SORCS1: variants seen among roughly 807,000 people sequenced by gnomAD.
SORCS1 encodes the protein VPS10 domain-containing receptor SorCS1.
Under a neutral mutation model 146.1 loss-of-function variants are expected in SORCS1, and 60 were observed. The observed-to-expected ratio is 0.41, with a 90% CI of 0.33 to 0.51. SORCS1 has a LOEUF of 0.51. SORCS1 is among the 20% of genes least tolerant of loss of function. SORCS1 has a pLI of 0.21. For missense variants in SORCS1, 1,352 were observed against 1,487.6 expected (o/e 0.91, Z 1.50); for synonymous variants, 637 against 584.0 (o/e 1.09, Z -1.31).
At chr10:106,889,888 T>TAAAAAA (rs772421907) in intron 2 of SORCS1, among the ~76,000 whole-genome samples, 1,771 of 71,550 alleles carry the variant, frequency 0.025, 216 homozygotes, top group African/African-American at 0.085. Context: ...ACGTCTCAAA[T>TAAAAAA]AAAAAAAAAA....
At chr10:107,053,542 A>C (rs1960331020) in intron 1 of SORCS1, among the ~76,000 whole-genome samples, 1 of 152,186 alleles carries the variant, frequency 6.6e-6, no homozygotes. Context: ...AATTGAAAAA[A>C]AAATGTCTCC....
upstream of SORCS1, among the ~76,000 whole-genome samples, chr10:107,164,963 C>G (rs540901434): frequency 6.6e-6 from 1 of 150,436 alleles, no homozygotes; most frequent in Non-Finnish European, 1.5e-5. The surrounding 1 kb of genome is among the most constrained non-coding windows in gnomAD (Gnocchi z 6.8). Context: ...TCTGCGCCCC[C>G]GCGGCCGCGG....
At chr10:106,882,739 A>G (rs898369612) in intron 2 of SORCS1, among the ~76,000 whole-genome samples, 17 of 152,324 alleles carry the variant, frequency 1.1e-4, no homozygotes, top group Non-Finnish European at 2.1e-4. Flanking sequence ...AAACCAAAAC[A>G]GTGGTTTTCC....
intron 2 of SORCS1, among the ~76,000 whole-genome samples, chr10:106,929,979 G>A (rs1953313280): frequency 6.6e-6 from 1 of 152,258 alleles, no homozygotes; most frequent in Admixed American, 6.5e-5. Context: ...GGGCGCAGTG[G>A]CGCATGCCTG....
chr10:106,973,611 C>T (rs980084763), intron 1 of SORCS1, among the ~76,000 whole-genome samples: 4 of 152,046 alleles, frequency 2.6e-5, no homozygotes, highest in South Asian at 2.1e-4. Flanking sequence ...CTGCTGCTGG[C>T]GGCTCTAGAA....
chr10:107,059,890 A>G (rs78618858), intron 1 of SORCS1, among the ~76,000 whole-genome samples: 1 of 147,658 alleles, frequency 6.8e-6, no homozygotes, highest in African/African-American at 2.5e-5. Context: ...AAAAAAAAAA[A>G]CCCTCAGTAA....
At chr10:106,756,685 G>A (rs1402136678) in intron 5 of SORCS1, among the ~76,000 whole-genome samples, 1 of 152,094 alleles carries the variant, frequency 6.6e-6, no homozygotes, top group Non-Finnish European at 1.5e-5. Context: ...TGGTTGCTAT[G>A]GTAGTATTAA....
At chr10:107,022,140 TTC>T (rs1958178735) in intron 1 of SORCS1, among the ~76,000 whole-genome samples, 1 of 152,130 alleles carries the variant, frequency 6.6e-6, no homozygotes, top group Admixed American at 6.5e-5. Flanking sequence ...ATACGGAGGT[TTC>T]AGAACCCACA....
At chr10:106,794,794 C>T (rs1946471727) in intron 3 of SORCS1, among the ~76,000 whole-genome samples, 1 of 152,134 alleles carries the variant, frequency 6.6e-6, no homozygotes, top group Admixed American at 6.5e-5. Context: ...TGAGCCACCA[C>T]ACCGGGCCCT....
Position 106,620,467 on chromosome 10 carries a change from G to A in SORCS1, c.2757C>T (p.Gly919=). The A allele has an allele frequency of 6.2e-7, 1 of 1,613,892 alleles. No homozygotes were observed. The highest frequency in any genetic ancestry group is 1.1e-5 in the South Asian group (1 of 91,048). ...CGTACCACCACACGTAAGTGAGGGT[G>A]CCCACTTGGCTGGGCCACAGCACTG... ...ATAVLWPSQV[G]TLTYVWWYGN... The change falls in exon 20 of 26, where the codon GGC becomes GGT. Residue 919 remains glycine, a synonymous_variant. Transcript: ENST00000263054.
chr10:107,152,126 T>C (rs1968858537), intron 1 of SORCS1, among the ~76,000 whole-genome samples: 1 of 152,174 alleles, frequency 6.6e-6, no homozygotes, highest in Non-Finnish European at 1.5e-5. Flanking sequence ...AGGCCATTGC[T>C]TCAGAGAGTG....
chr10:107,062,284 T>C (rs1961300469), intron 1 of SORCS1, among the ~76,000 whole-genome samples: 1 of 152,210 alleles, frequency 6.6e-6, no homozygotes, highest in African/African-American at 2.4e-5. Flanking sequence ...ATCTTCAGCA[T>C]ATTTTGCTAA....
rs369758125 is a variant in SORCS1, at chr10:106,675,014, A to G, written c.1940+35T>C. The G allele has an allele frequency of 1.3e-5, 20 of 1,522,742 alleles. No homozygotes were observed. In the African/African-American group the frequency reaches 2.5e-4, roughly 19 times the overall value. 94.3% of individuals were successfully genotyped at this position (1,522,742 alleles called of 1,614,324 possible). A position where few individuals can be genotyped will look rare whatever the true frequency, so the allele number is the denominator to read the frequency against. On this transcript the variant is annotated intron_variant, in intron 14 of 25. Coordinates refer to ENST00000263054, the MANE Select transcript of SORCS1 (RefSeq NM_052918.5). ...ACATTTTTGTGGATTACTCTTTTCT[A>G]TGAAGGCTGGACCACATCATACTTT... is the stretch of plus-strand genomic sequence containing the variant.
intron 16 of SORCS1, among the ~76,000 whole-genome samples, chr10:106,670,099 G>T (rs1162831335): frequency 6.6e-6 from 1 of 152,160 alleles, no homozygotes; most frequent in African/African-American, 2.4e-5. Flanking sequence ...TTTAGCGATT[G>T]TGTTTTCTAA....
intron 1 of SORCS1, among the ~76,000 whole-genome samples, chr10:107,122,752 C>T (rs1178871821): frequency 2.0e-5 from 3 of 151,850 alleles, no homozygotes; most frequent in Non-Finnish European, 4.4e-5. Context: ...AGTGAGGCAC[C>T]GATTTAGCAC....
At chr10:106,930,560 AATT>A (rs768403913) in intron 2 of SORCS1, among the ~76,000 whole-genome samples, 26 of 152,270 alleles carry the variant, frequency 1.7e-4, no homozygotes, top group Non-Finnish European at 2.8e-4. Flanking sequence ...TCTCATTATA[AATT>A]ATTATCTTCA....
intron 4 of SORCS1, among the ~76,000 whole-genome samples, chr10:106,771,221 T>A (rs564160382): frequency 2.6e-5 from 4 of 152,040 alleles, no homozygotes; most frequent in Non-Finnish European, 5.9e-5. Flanking sequence ...CTCTCCTGTT[T>A]TTTTTTTTTA....
At chr10:106,706,776 G>T (rs1854566111) in intron 7 of SORCS1, 142 bp from the exon 8 acceptor site, 1 of 726,400 alleles carries the variant, frequency 1.4e-6, no homozygotes, top group Non-Finnish European at 2.3e-6. Flanking sequence ...TAAAGAATTG[G>T]CCTTCAGTTC....
chr10:106,626,665 G>A (rs967045533), intron 19 of SORCS1, among the ~76,000 whole-genome samples: 4 of 152,206 alleles, frequency 2.6e-5, no homozygotes, highest in Admixed American at 1.3e-4. Context: ...CCAGAAGTCT[G>A]TTATGGTATA....
Sources: allele counts gnomAD v4.1 joint callset (sites outside exome capture counted in the v4.1 genomes callset), GRCh38; gene constraint gnomAD v4.1.1; non-coding constraint Gnocchi (gnomAD v3.1); transcripts MANE v1.5; gene names NCBI Gene and HGNC (gene_info 2026-07-23, HGNC 2026-07-21).